C10orf90: variants seen among roughly 807,000 people sequenced by gnomAD.
C10orf90 encodes the protein (E2-independent) E3 ubiquitin-conjugating enzyme FATS.
Under a neutral mutation model 62.5 loss-of-function variants are expected in C10orf90, and 56 were observed. The observed-to-expected ratio is 0.90, with a 90% CI of 0.72 to 1.12. The LOEUF is 1.12. Ranked by LOEUF, C10orf90 falls within the 50% of genes most tolerant of loss-of-function variation. The pLI, the probability that C10orf90 is intolerant of heterozygous loss-of-function variation, is 0.00. For synonymous variants in C10orf90, 386 were observed against 340.4 expected (o/e 1.13, Z -1.47); for missense variants, 970 against 880.4 (o/e 1.10, Z -1.29).
intron 2 of C10orf90, chr10:126,520,978 A>G (rs1224704539): frequency 4.1e-6 from 1 of 242,372 alleles, no homozygotes; most frequent in African/African-American, 2.2e-5. Flanking sequence ...CCTTATCCAA[A>G]TGGCCCTTAT....
intron 3 of C10orf90, among the ~76,000 whole-genome samples, chr10:126,512,281 A>G (rs1863152398): frequency 6.8e-6 from 1 of 147,384 alleles, no homozygotes. Context: ...AGAGAAAGAG[A>G]GACAGAAGTG....
At chr10:126,528,840 G>A (rs1033978633) in intron 2 of C10orf90, among the ~76,000 whole-genome samples, 3 of 152,284 alleles carry the variant, frequency 2.0e-5, no homozygotes, top group East Asian at 1.9e-4. Flanking sequence ...ATGTGTGAGC[G>A]GGAGAGGATA....
At chr10:126,635,244 G>A (rs1266321503) in intron 2 of C10orf90, among the ~76,000 whole-genome samples, 4 of 152,116 alleles carry the variant, frequency 2.6e-5, no homozygotes, top group Non-Finnish European at 4.4e-5. Context: ...ATTTAATACC[G>A]GAAAAGGAAG....
intron 1 of C10orf90, among the ~76,000 whole-genome samples, chr10:126,652,647 G>A (rs554634825): frequency 6.6e-6 from 1 of 152,290 alleles, no homozygotes; most frequent in Admixed American, 6.5e-5. Flanking sequence ...GCAGGTATAA[G>A]CGAGAGCAGC....
intron 1 of C10orf90, among the ~76,000 whole-genome samples, chr10:126,669,796 T>C (rs1482945225): frequency 1.3e-5 from 2 of 152,088 alleles, no homozygotes; most frequent in Non-Finnish European, 1.5e-5. Flanking sequence ...ACTTGAATCA[T>C]TCTATTTTAA....
At chr10:126,450,751 C>G (rs755469834) in intron 7 of C10orf90, among the ~76,000 whole-genome samples, 36 of 152,120 alleles carry the variant, frequency 2.4e-4, no homozygotes, top group African/African-American at 5.6e-4. Context: ...TAGAAGAAAA[C>G]AGAGGAAAAG....
intron 2 of C10orf90, among the ~76,000 whole-genome samples, chr10:126,518,108 T>C (rs1248729811): frequency 6.6e-6 from 1 of 151,870 alleles, no homozygotes; most frequent in African/African-American, 2.4e-5. Context: ...CCTCAATCCC[T>C]GCCTCAGGCT....
chr10:126,426,573 C>T (rs1220044402), intron 8 of C10orf90, among the ~76,000 whole-genome samples: 5 of 152,162 alleles, frequency 3.3e-5, no homozygotes, highest in Non-Finnish European at 7.4e-5. Flanking sequence ...TGTAATAAAA[C>T]ACATATAAGT....
intron 2 of C10orf90, among the ~76,000 whole-genome samples, chr10:126,530,714 G>A (rs1019851719): frequency 9.2e-5 from 14 of 151,978 alleles, no homozygotes; most frequent in East Asian, 3.9e-4. Context: ...AGGCACATGC[G>A]GGAAAGATGA....
At position 126,655,098 on chromosome 10, in the gene C10orf90, A is replaced by C. The variant is rs940201631; in HGVS notation, c.241-8461T>G. Among the ~76,000 whole-genome samples the C allele has an allele frequency of 2.0e-5, 3 of 152,288 alleles. No homozygotes were observed. In the East Asian group the frequency reaches 5.8e-4, roughly 29 times the overall value. ...CACTTTGGGAGACTGAGGCAGGTGG[A>C]TCATGAGGTCAGGAGATCGAGACCA... On this transcript the variant is annotated intron_variant, in intron 1 of 9. Transcript: ENST00000488181.
At chr10:126,493,568 G>T (rs1161692389) in intron 4 of C10orf90, among the ~76,000 whole-genome samples, 3 of 141,430 alleles carry the variant, frequency 2.1e-5, no homozygotes, top group Admixed American at 7.1e-5. Flanking sequence ...TGTTGTCCAG[G>T]CTGGTCTCGA....
intron 7 of C10orf90, among the ~76,000 whole-genome samples, chr10:126,457,501 T>C (rs1859661704): frequency 1.3e-5 from 2 of 152,220 alleles, no homozygotes; most frequent in African/African-American, 2.4e-5. Flanking sequence ...CTAAGGTCTC[T>C]GGGTCTCTGT....
chr10:126,447,881 T>C (rs1267428240), intron 7 of C10orf90, among the ~76,000 whole-genome samples: 1 of 152,094 alleles, frequency 6.6e-6, no homozygotes, highest in Non-Finnish European at 1.5e-5. Context: ...AGAGTCTTGC[T>C]CTGTTTCCGG....
chr10:126,577,971 A>T (rs1844661718), intron 2 of C10orf90, among the ~76,000 whole-genome samples: 1 of 152,206 alleles, frequency 6.6e-6, no homozygotes, highest in South Asian at 2.1e-4. Context: ...TTCATCATAC[A>T]CAAGAAACAA....
chr10:126,433,044 G>A (rs1857684277), intron 7 of C10orf90, among the ~76,000 whole-genome samples: 1 of 152,140 alleles, frequency 6.6e-6, no homozygotes, highest in Admixed American at 6.5e-5. Context: ...CAGTGAGATA[G>A]GTCAGGCAAT....
intron 7 of C10orf90, among the ~76,000 whole-genome samples, chr10:126,430,736 G>T (rs985184438): frequency 2.0e-5 from 3 of 152,192 alleles, no homozygotes; most frequent in African/African-American, 7.2e-5. Context: ...TTGGCTCCTT[G>T]CCAAGCATCA....
intron 2 of C10orf90, among the ~76,000 whole-genome samples, chr10:126,588,371 C>G (rs1386058086): frequency 3.3e-5 from 5 of 152,240 alleles, no homozygotes; most frequent in Non-Finnish European, 2.9e-5. Context: ...GATCCCATTC[C>G]TCCTGACTGG....
At chr10:126,585,514 C>T (rs919774044) in intron 2 of C10orf90, among the ~76,000 whole-genome samples, 3 of 64,704 alleles carry the variant, frequency 4.6e-5, no homozygotes, top group Non-Finnish European at 9.4e-5. Flanking sequence ...GAAAAAAGAG[C>T]AGAAAGAGGA....
intron 7 of C10orf90, among the ~76,000 whole-genome samples, chr10:126,457,024 G>A (rs942105391): frequency 1.6e-4 from 24 of 152,172 alleles, no homozygotes; most frequent in Admixed American, 1.3e-4. Flanking sequence ...GTCTTGCTCT[G>A]TTGCCCAGAC....
Sources: gnomAD v4.1 joint callset for allele counts (sites outside exome capture counted in the v4.1 genomes callset) on GRCh38, gnomAD v4.1.1 for gene constraint, MANE v1.5 for transcripts, NCBI Gene and HGNC (gene_info 2026-07-23, HGNC 2026-07-21) for gene names.